Variants in MGLL observed in about 807,000 individuals in gnomAD.
MGLL encodes monoglyceride lipase, also known as lysophospholipase homolog.
MGLL carries 7 observed loss-of-function variants against 29.1 expected under a neutral mutation model. The observed-to-expected ratio is 0.24, with a 90% CI of 0.14 to 0.45. The LOEUF is 0.45. MGLL is among the 20% of genes least tolerant of loss of function. The pLI is 0.99. For synonymous variants in MGLL, 148 were observed against 168.3 expected, an observed-to-expected ratio of 0.88 and a Z score of 0.93; for missense variants, 356 against 413.6, an observed-to-expected ratio of 0.86 and a Z score of 1.21.
intron 3 of MGLL, among the ~76,000 whole-genome samples, chr3:127,758,652 G>A (rs1020201355): frequency 2.0e-5 from 3 of 152,238 alleles, no homozygotes; most frequent in Admixed American, 6.5e-5. Flanking sequence ...GCTGTACCGA[G>A]CGAGGAGAAT....
intron 6 of MGLL, among the ~76,000 whole-genome samples, chr3:127,702,629 G>A (rs1220622536): frequency 1.3e-5 from 2 of 152,212 alleles, no homozygotes; most frequent in East Asian, 3.8e-4. Flanking sequence ...GCAAATTAAT[G>A]AGCATTCTTT....
chr3:127,700,018 C>T (rs185068067), intron 6 of MGLL, among the ~76,000 whole-genome samples: 7 of 152,340 alleles, frequency 4.6e-5, no homozygotes, highest in Non-Finnish European at 8.8e-5. Flanking sequence ...CTCCCTTTTC[C>T]TACGGAAGCG....
At chr3:127,790,069 GT>G (rs2077275195) in intron 2 of MGLL, among the ~76,000 whole-genome samples, 1 of 152,256 alleles carries the variant, frequency 6.6e-6, no homozygotes, top group Admixed American at 6.5e-5. Flanking sequence ...TTAAAAAGCA[GT>G]ATCCTGTGGG....
intron 6 of MGLL, among the ~76,000 whole-genome samples, chr3:127,697,248 C>T (rs551894768): frequency 6.6e-6 from 1 of 152,318 alleles, no homozygotes; most frequent in Non-Finnish European, 1.5e-5. Flanking sequence ...CTGTAGGGCC[C>T]GCAAAAGAGC....
At chr3:127,797,788 G>A (rs1412707567) in intron 2 of MGLL, among the ~76,000 whole-genome samples, 1 of 152,034 alleles carries the variant, frequency 6.6e-6, no homozygotes, top group Non-Finnish European at 1.5e-5. Context: ...TTTATTTTTT[G>A]TAGAGACAGG....
At chr3:127,705,076 G>A (rs747768719) in intron 6 of MGLL, among the ~76,000 whole-genome samples, 22 of 152,146 alleles carry the variant, frequency 1.4e-4, no homozygotes, top group Non-Finnish European at 2.9e-4. Flanking sequence ...TTGCAGGGAC[G>A]TGGGTGAAGC....
intron 2 of MGLL, among the ~76,000 whole-genome samples, chr3:127,820,572 T>A (rs913016320): frequency 7.9e-5 from 12 of 152,334 alleles, no homozygotes; most frequent in Non-Finnish European, 1.6e-4. Context: ...TAGAAATTAA[T>A]CCAAGATTGA....
At chr3:127,692,805 T>C (rs1406532479) in intron 7 of MGLL, among the ~76,000 whole-genome samples, 1 of 152,202 alleles carries the variant, frequency 6.6e-6, no homozygotes, top group Non-Finnish European at 1.5e-5. Flanking sequence ...ACTGTCACCT[T>C]CTAGAAACAC....
intron 3 of MGLL, among the ~76,000 whole-genome samples, chr3:127,733,471 C>G (rs535127197): frequency 1.1e-4 from 17 of 152,264 alleles, no homozygotes; most frequent in African/African-American, 4.1e-4. Context: ...ATCCAGGAAC[C>G]CTCTCTTGGG....
intron 2 of MGLL, among the ~76,000 whole-genome samples, chr3:127,800,612 C>T (rs1380935815): frequency 2.6e-5 from 4 of 152,228 alleles, no homozygotes; most frequent in African/African-American, 9.6e-5. Context: ...CCCAGCCAGG[C>T]TACCCGTGCA....
rs1234191559 is a variant in MGLL at position 127,761,594 on chromosome 3, C to T, written c.262+20195G>A. Among the ~76,000 whole-genome samples, 2 of 152,346 alleles carry T rather than the reference C, an allele frequency of 1.3e-5. No homozygotes were observed. Among genetic ancestry groups the T allele is most frequent in the African/African-American group, 4.8e-5 (2 of 41,576 alleles). On this transcript the variant is annotated intron_variant, in intron 3 of 7. Coordinates refer to ENST00000265052, the MANE Select transcript of MGLL (RefSeq NM_007283.7). The surrounding 1 kb of genome is among the most constrained non-coding windows in gnomAD (Gnocchi z 4.6). ...GTGTGTGTCCACGTGTTCCCCTAAG[C>T]GACTGGGCTACACCAGTCCACCACA...
chr3:127,716,643 A>G (rs931934166), intron 5 of MGLL, among the ~76,000 whole-genome samples: 3 of 152,250 alleles, frequency 2.0e-5, no homozygotes, highest in African/African-American at 7.2e-5. Context: ...ATTGATCCAG[A>G]AGGTTTTAAT....
chr3:127,726,125 A>AAAGC (rs1435366673), intron 3 of MGLL, among the ~76,000 whole-genome samples: 3 of 24,304 alleles, frequency 1.2e-4, no homozygotes, highest in East Asian at 9.3e-4. Flanking sequence ...AGCAGGAAAG[A>AAAGC]AAGAAAGAAA....
At chr3:127,805,824 A>G (rs1021542230) in intron 2 of MGLL, among the ~76,000 whole-genome samples, 4 of 152,246 alleles carry the variant, frequency 2.6e-5, no homozygotes, top group African/African-American at 9.6e-5. Context: ...CAGGGAGGTA[A>G]AGCCAGAGAA....
At chr3:127,700,735 T>C (rs7633484) in intron 6 of MGLL, among the ~76,000 whole-genome samples, 2 of 152,088 alleles carry the variant, frequency 1.3e-5, no homozygotes, top group African/African-American at 4.8e-5. Context: ...CAAGACAGTG[T>C]CCACAATGGG....
At position 127,694,269 on chromosome 3, in the gene MGLL, G is replaced by GGAA. The variant is rs1369919359; in HGVS notation, c.816+705_816+706insTTC. On this transcript the variant is annotated intron_variant, in intron 7 of 7. Transcript: ENST00000265052. ...TGGGTGACAGAGGGATACTCTGTCT[G>GGAA]AAAAAAAAAAAAAAAAAATATATAT... Among the ~76,000 whole-genome samples the GGAA allele has an allele frequency of 1.3e-3, 88 of 67,584 alleles. 1 individual carries two copies. Among genetic ancestry groups the GGAA allele is most frequent in the Middle Eastern group, 0.011 (1 of 94 alleles). 44.3% of individuals were successfully genotyped at this position (67,584 alleles called of 152,430 possible). A position where few individuals can be genotyped will look rare whatever the true frequency, so the allele number is the denominator to read the frequency against.
chr3:127,706,267 C>T (rs531042719), intron 6 of MGLL, among the ~76,000 whole-genome samples: 2 of 152,204 alleles, frequency 1.3e-5, no homozygotes, highest in Non-Finnish European at 2.9e-5. Flanking sequence ...CAAGGCCCTA[C>T]TATGTGCATG....
chr3:127,737,482 C>T (rs1030062669), intron 3 of MGLL, among the ~76,000 whole-genome samples: 3 of 151,150 alleles, frequency 2.0e-5, no homozygotes, highest in Non-Finnish European at 4.4e-5. Flanking sequence ...CAATAAATGC[C>T]CACTGCCATG....
Position 127,693,851 on chromosome 3 carries a change from G to A in MGLL, c.816+1124C>T, listed in dbSNP as rs566705359. Among the ~76,000 whole-genome samples, 9 of 152,330 alleles carry A rather than the reference G, an allele frequency of 5.9e-5. No homozygotes were observed. In the South Asian group the frequency reaches 1.9e-3, roughly 32 times the overall value. On this transcript the variant is annotated intron_variant, in intron 7 of 7. Coordinates refer to ENST00000265052, the MANE Select transcript of MGLL (RefSeq NM_007283.7). ...TAAAGAAGCAATGAATGGATAGCTGGGTAAATGAATGAATAAACAATCTTA... is the reference window on the plus strand; with the variant it reads ...TAAAGAAGCAATGAATGGATAGCTGAGTAAATGAATGAATAAACAATCTTA...
Sources: allele counts gnomAD v4.1 joint callset (sites outside exome capture counted in the v4.1 genomes callset), GRCh38; gene constraint gnomAD v4.1.1; non-coding constraint Gnocchi (gnomAD v3.1); transcripts MANE v1.5; gene names NCBI Gene and HGNC (gene_info 2026-07-23, HGNC 2026-07-21).